VRK2: variants seen among roughly 807,000 people sequenced by gnomAD.
VRK2 encodes VRK serine/threonine kinase 2, also known as serine/threonine-protein kinase VRK2.
VRK2 carries 60 observed loss-of-function variants against 57.6 expected under a neutral mutation model. The ratio of observed to expected loss-of-function variants is 1.04; its 90% CI spans 0.85 to 1.29. The LOEUF (loss-of-function observed/expected upper bound fraction) is 1.29, where lower values mean the gene tolerates loss of function less well. Among genes scored for constraint, VRK2 ranks in the 50% most tolerant of loss-of-function variants. The probability of loss-of-function intolerance (pLI) is 0.00; values close to 1 mark genes in which losing one functional copy is unlikely to be tolerated. For missense variants in VRK2, 705 were observed against 588.1 expected, an observed-to-expected ratio of 1.20 and a Z score of -2.06; for synonymous variants, 231 against 199.2, an observed-to-expected ratio of 1.16 and a Z score of -1.35.
At chr2:57,928,811 A>T (rs1279905560) in intron 1 of VRK2, among the ~76,000 whole-genome samples, 1 of 152,218 alleles carries the variant, frequency 6.6e-6, no homozygotes, top group Non-Finnish European at 1.5e-5. Context: ...AGACTCATAG[A>T]AGTACTACCT....
At chr2:57,919,973 G>A (rs535334603) in intron 1 of VRK2, among the ~76,000 whole-genome samples, 19 of 151,990 alleles carry the variant, frequency 1.3e-4, no homozygotes, top group Non-Finnish European at 2.1e-4. Flanking sequence ...AAATTAGATA[G>A]TAATTAACCA....
At chr2:58,011,513 A>T (rs1673417758) in intron 1 of VRK2, among the ~76,000 whole-genome samples, 1 of 152,144 alleles carries the variant, frequency 6.6e-6, no homozygotes, top group Admixed American at 6.5e-5. Context: ...TCATTCCTCT[A>T]ATGAATCACA....
At chr2:58,141,305 T>A (rs1426705592) in intron 11 of VRK2, among the ~76,000 whole-genome samples, 2 of 152,024 alleles carry the variant, frequency 1.3e-5, no homozygotes, top group African/African-American at 4.8e-5. Flanking sequence ...GAAGCCATTT[T>A]AAAAACTGAT....
chr2:58,102,530 T>C (rs779435631), intron 7 of VRK2, among the ~76,000 whole-genome samples: 1 of 144,872 alleles, frequency 6.9e-6, no homozygotes, highest in East Asian at 2.0e-4. Context: ...TATTATATAA[T>C]GATAAAACAA....
intron 2 of VRK2, among the ~76,000 whole-genome samples, chr2:58,075,279 T>TTA (rs1030234917): frequency 1.3e-5 from 2 of 152,124 alleles, no homozygotes; most frequent in African/African-American, 4.8e-5. Context: ...CACACTTTCT[T>TTA]TATATAGTTC....
intron 7 of VRK2, among the ~76,000 whole-genome samples, chr2:58,094,684 T>C (rs1672875833): frequency 6.6e-6 from 1 of 152,186 alleles, no homozygotes. Flanking sequence ...CATTACAGTT[T>C]ATTATAAGTG....
At chr2:58,082,451 C>G (rs1440743303) in intron 2 of VRK2, among the ~76,000 whole-genome samples, 1 of 151,848 alleles carries the variant, frequency 6.6e-6, no homozygotes, top group African/African-American at 2.4e-5. Flanking sequence ...GTAGCAAAGA[C>G]AAGTGCCTAA....
At chr2:57,982,175 G>A (rs1410483979) in intron 1 of VRK2, among the ~76,000 whole-genome samples, 1 of 152,168 alleles carries the variant, frequency 6.6e-6, no homozygotes, top group Non-Finnish European at 1.5e-5. Context: ...GCACTCCTGG[G>A]CTATGTGCTG....
intron 12 of VRK2, among the ~76,000 whole-genome samples, chr2:58,158,916 T>C (rs1376694760): frequency 6.6e-6 from 1 of 152,126 alleles, no homozygotes; most frequent in Non-Finnish European, 1.5e-5. Context: ...TTGCCCACTG[T>C]ACAGTGGACA....
At chr2:58,089,819 G>C in intron 7 of VRK2, 96 bp downstream of exon 7, 1 of 780,610 alleles carries the variant, frequency 1.3e-6, no homozygotes, top group African/African-American at 1.7e-5. Context: ...TTACAAATGA[G>C]GGCGTAACAT....
At chr2:58,090,973 A>G (rs933461809) in intron 7 of VRK2, among the ~76,000 whole-genome samples, 6 of 152,210 alleles carry the variant, frequency 3.9e-5, no homozygotes, top group South Asian at 2.1e-4. Flanking sequence ...TTACTATACA[A>G]TTTCAACTAT....
At chr2:58,117,704 A>AT (rs1676739158) in intron 7 of VRK2, among the ~76,000 whole-genome samples, 1 of 152,196 alleles carries the variant, frequency 6.6e-6, no homozygotes, top group East Asian at 1.9e-4. Context: ...TGAAAGTGCC[A>AT]TTTTCCGGTG....
intron 7 of VRK2, among the ~76,000 whole-genome samples, chr2:58,109,098 A>G (rs986818065): frequency 4.6e-5 from 7 of 151,940 alleles, no homozygotes; most frequent in Admixed American, 1.3e-4. Context: ...GCACTCAGGT[A>G]TCTGTTAAGC....
At chr2:58,103,600 T>C (rs1674330460) in intron 7 of VRK2, among the ~76,000 whole-genome samples, 1 of 151,438 alleles carries the variant, frequency 6.6e-6, no homozygotes, top group Admixed American at 6.6e-5. Flanking sequence ...GAATCGGTAA[T>C]AGAAAAATCT....
Position 58,135,382 on chromosome 2 carries a change from G to C in VRK2, c.856+183G>C, listed in dbSNP as rs77547032. On this transcript the variant is annotated intron_variant, in intron 10 of 12. Transcript: ENST00000340157. ...AATGTTTAAATCATCTTTAACATTA[G>C]AACACAAAAAACCTCAAAAGAAGAT... Among the ~76,000 whole-genome samples, 530 of 149,132 alleles carry C rather than the reference G, an allele frequency of 3.6e-3. 18 individuals carry two copies. The East Asian group carries it at 0.092, about 26-fold the overall frequency.
chr2:58,047,356 A>T (rs755920866), intron 1 of VRK2: 10 of 902,128 alleles, frequency 1.1e-5, no homozygotes, highest in Non-Finnish European at 1.3e-5. Flanking sequence ...CGTGTTGAGG[A>T]CTCATCTTAG....
chr2:58,072,439 TTCTA>T (rs1313360097), intron 2 of VRK2, among the ~76,000 whole-genome samples: 6 of 151,986 alleles, frequency 3.9e-5, no homozygotes, highest in Admixed American at 2.6e-4. Context: ...TTGAGAAAGT[TTCTA>T]TCTATTTCTA....
At chr2:58,128,225 C>T (rs1678650151) in intron 8 of VRK2, among the ~76,000 whole-genome samples, 1 of 152,164 alleles carries the variant, frequency 6.6e-6, no homozygotes, top group Admixed American at 6.5e-5. Context: ...GTCAGTATGT[C>T]TTGGTGCTTT....
At chr2:57,997,736 C>G (rs1672968684) in intron 1 of VRK2, among the ~76,000 whole-genome samples, 1 of 151,794 alleles carries the variant, frequency 6.6e-6, no homozygotes, top group African/African-American at 2.4e-5. Context: ...AACACCGTCT[C>G]TACAAAAATT....
Sources: allele counts gnomAD v4.1 joint callset (sites outside exome capture counted in the v4.1 genomes callset), GRCh38; gene constraint gnomAD v4.1.1; transcripts MANE v1.5; gene names NCBI Gene and HGNC (gene_info 2026-07-23, HGNC 2026-07-21).